Variants in PTPRM observed in about 807,000 individuals in gnomAD.
PTPRM encodes the protein protein tyrosine phosphatase receptor type M, also known as receptor-type tyrosine-protein phosphatase mu.
PTPRM carries 47 observed loss-of-function variants against 186.7 expected under a neutral mutation model. That is an observed-to-expected ratio of 0.25 (90% confidence interval 0.20 to 0.32). The LOEUF (loss-of-function observed/expected upper bound fraction) is 0.32. PTPRM is among the 10% of genes least tolerant of loss of function. The pLI is 1.00. For missense variants in PTPRM, 1,494 were observed against 1,865.0 expected (o/e 0.80, Z 3.66); for synonymous variants, 668 against 674.9 (o/e 0.99, Z 0.16).
chr18:7,649,163 A>G (rs2038635983), intron 1 of PTPRM, among the ~76,000 whole-genome samples: 1 of 152,206 alleles, frequency 6.6e-6, no homozygotes. Flanking sequence ...ATCTGTTTAC[A>G]GTATGGCTTA....
Position 8,113,563 on chromosome 18 carries a change from T to A in PTPRM, c.1934T>A (p.Val645Glu). The change falls in exon 12 of 33, where the codon GTG (valine) becomes GAG (glutamate). Residue 645 changes from valine (V) to glutamate (E), a missense_variant. Physicochemically the swap from Val to Glu is moderately radical, Grantham distance 121 (BLOSUM62 -2). Coordinates refer to ENST00000580170, the MANE Select transcript of PTPRM (RefSeq NM_001105244.2). ...ACAGAAATCTTAAAGTGCTACCCAG[T>A]GCCAATTCACTTCCAGAATGCTTCT... ...KTTEILKCYPVPIHFQNASLL... is the reference protein window; with the variant it reads ...KTTEILKCYPEPIHFQNASLL... 2 of 1,614,012 alleles carry A rather than the reference T, an allele frequency of 1.2e-6. No homozygotes were observed. The highest frequency in any genetic ancestry group is 1.7e-6 in the Non-Finnish European group (2 of 1,179,862).
At chr18:8,390,452 C>A (rs2095803710) in intron 31 of PTPRM, among the ~76,000 whole-genome samples, 1 of 152,204 alleles carries the variant, frequency 6.6e-6, no homozygotes, top group Non-Finnish European at 1.5e-5. Flanking sequence ...TTCTCTTCAT[C>A]AAAAGATGGC....
intron 17 of PTPRM, among the ~76,000 whole-genome samples, chr18:8,249,110 A>G (rs755025523): frequency 3.3e-5 from 5 of 152,194 alleles, no homozygotes; most frequent in Admixed American, 1.3e-4. Context: ...GTATATAACA[A>G]TTCATTGTAG....
chr18:7,884,924 CAAAAA>C (rs56724615), intron 2 of PTPRM, among the ~76,000 whole-genome samples: 228 of 37,806 alleles, frequency 6.0e-3, no homozygotes, highest in Non-Finnish European at 9.4e-3. Context: ...AGCTCCATCT[CAAAAA>C]AAAAAAAAAA....
chr18:8,270,693 C>G (rs1196249553), intron 19 of PTPRM, among the ~76,000 whole-genome samples: 1 of 152,102 alleles, frequency 6.6e-6, no homozygotes. Context: ...GAAGTCTACC[C>G]TGCCATTTGC....
intron 7 of PTPRM, among the ~76,000 whole-genome samples, chr18:8,037,253 T>A (rs1019425921): frequency 6.6e-6 from 1 of 152,200 alleles, no homozygotes; most frequent in African/African-American, 2.4e-5. Flanking sequence ...TTAGTTACAA[T>A]TAGCACATCT....
At chr18:7,734,990 C>T (rs939137522) in intron 1 of PTPRM, among the ~76,000 whole-genome samples, 1 of 152,130 alleles carries the variant, frequency 6.6e-6, no homozygotes, top group African/African-American at 2.4e-5. Flanking sequence ...GAATGGATCC[C>T]CCTTATGGCC....
At chr18:8,121,562 A>T (rs974945906) in intron 13 of PTPRM, among the ~76,000 whole-genome samples, 1 of 152,190 alleles carries the variant, frequency 6.6e-6, no homozygotes, top group African/African-American at 2.4e-5. Context: ...TTCTTTGTTC[A>T]CATGTTAACC....
chr18:7,830,738 G>A (rs1465257183), intron 2 of PTPRM, among the ~76,000 whole-genome samples: 2 of 152,326 alleles, frequency 1.3e-5, no homozygotes, highest in Middle Eastern at 3.4e-3. Flanking sequence ...TGTCTAAAGA[G>A]ACAGCAGCCA....
chr18:7,924,459 C>G (rs1444657579), intron 4 of PTPRM, among the ~76,000 whole-genome samples: 2 of 152,068 alleles, frequency 1.3e-5, no homozygotes, highest in East Asian at 1.9e-4. Flanking sequence ...TTAGTGAACT[C>G]TATTCATGTT....
chr18:8,274,988 G>A (rs2094816829), intron 19 of PTPRM, among the ~76,000 whole-genome samples: 1 of 152,206 alleles, frequency 6.6e-6, no homozygotes, highest in South Asian at 2.1e-4. Context: ...TAGGAAACAT[G>A]TTTCTTCTGC....
At chr18:7,857,483 ATAT>A (rs1256380385) in intron 2 of PTPRM, among the ~76,000 whole-genome samples, 6 of 152,250 alleles carry the variant, frequency 3.9e-5, no homozygotes, top group East Asian at 1.9e-4. Context: ...TATAGAAGAA[ATAT>A]TATTGCAACA....
In PTPRM at chr18:7,611,040, A is replaced by T. The variant is rs8086999; in HGVS notation, c.73+43149A>T. 5.3e-5 allele frequency among the ~76,000 whole-genome samples: 8 copies of T among 152,042 alleles called. No homozygotes were observed. The South Asian group carries it at 1.2e-3, about 24-fold the overall frequency. ...ACCCTGTGTAGGCCTAGGCTAATGT[A>T]TGTGCCTGTGTATTAGTTTTTAACA... is the stretch of plus-strand genomic sequence containing the variant. On this transcript the variant is annotated intron_variant, in intron 1 of 32. Coordinates refer to ENST00000580170, the MANE Select transcript of PTPRM (RefSeq NM_001105244.2).
intron 5 of PTPRM, among the ~76,000 whole-genome samples, chr18:7,934,290 C>T (rs73381803): frequency 0.013 from 1,909 of 151,892 alleles, 51 homozygotes; most frequent in African/African-American, 0.044. Context: ...AACAGTTTTT[C>T]AGCTGTTGGC....
chr18:7,951,772 GT>G (rs1252307854), intron 6 of PTPRM, among the ~76,000 whole-genome samples: 2 of 152,046 alleles, frequency 1.3e-5, no homozygotes, highest in Non-Finnish European at 2.9e-5. Context: ...GATACTACTA[GT>G]TTTATAAGGT....
At chr18:7,986,696 ATATCTT>A (rs141284864) in intron 7 of PTPRM, among the ~76,000 whole-genome samples, 3,732 of 152,284 alleles carry the variant, frequency 0.025, 139 homozygotes, top group African/African-American at 0.086. Context: ...AAATTGGAAA[ATATCTT>A]TATAGACACT....
At chr18:7,614,556 T>TTAGAGACAATTGGATCACTTTAGAGAAAA (rs1412441077) in intron 1 of PTPRM, among the ~76,000 whole-genome samples, 5 of 152,208 alleles carry the variant, frequency 3.3e-5, no homozygotes, top group African/African-American at 1.2e-4. Flanking sequence ...AGGATTGTCT[T>TTAGAGACAATTGGATCACTTTAGAGAAAA]TTTCTTTAGA....
At chr18:7,731,775 A>G (rs1466618089) in intron 1 of PTPRM, among the ~76,000 whole-genome samples, 1 of 152,200 alleles carries the variant, frequency 6.6e-6, no homozygotes, top group Non-Finnish European at 1.5e-5. Context: ...ACTTGATACC[A>G]TCAATTTTGA....
chr18:8,406,357 A>AAC lies in PTPRM; in HGVS notation c.*205_*206dup. The AAC allele has an allele frequency of 1.7e-6, 1 of 581,004 alleles. No homozygotes were observed. Among genetic ancestry groups the AAC allele is most frequent in the Non-Finnish European group, 3.0e-6 (1 of 329,766 alleles). 36.0% of individuals were successfully genotyped at this position (581,004 alleles called of 1,614,324 possible). On this transcript the variant is annotated 3_prime_UTR_variant, in exon 33 of 33. Coordinates refer to ENST00000580170, the MANE Select transcript of PTPRM (RefSeq NM_001105244.2). The stretch of plus-strand genomic sequence containing the variant: ...CCCAGTAATGCTGCTGCCTGACAGA[A>AAC]ACACACACACAGCCACAGTTGCCAA...
Sources: gnomAD v4.1 joint callset for allele counts (sites outside exome capture counted in the v4.1 genomes callset) on GRCh38, gnomAD v4.1.1 for gene constraint, MANE v1.5 for transcripts, NCBI Gene and HGNC (gene_info 2026-07-23, HGNC 2026-07-21) for gene names.